The following RPTOR variants were observed in gnomAD, a reference collection of about 807,000 sequenced individuals.
RPTOR encodes the protein regulatory-associated protein of mTOR.
In RPTOR, 21 loss-of-function variants were observed where a neutral mutation model predicts 169.9. The observed-to-expected ratio is 0.12, with a 90% confidence interval of 0.09 to 0.18. The LOEUF (loss-of-function observed/expected upper bound fraction) is 0.18. Ranked by LOEUF, RPTOR falls within the 10% of genes least tolerant of loss-of-function variation. The pLI, the probability that RPTOR is intolerant of heterozygous loss-of-function variation, is 1.00. For synonymous variants in RPTOR, 732 were observed against 753.2 expected (o/e 0.97, Z 0.46); for missense variants, 1,133 against 1,855.9 (o/e 0.61, Z 7.16).
chr17:80,760,029 T>C (rs1567897551), intron 6 of RPTOR, among the ~76,000 whole-genome samples: 2 of 152,168 alleles, frequency 1.3e-5, no homozygotes, highest in Admixed American at 6.5e-5. Flanking sequence ...TCTTAGTAAG[T>C]ATCATTTTAT....
chr17:80,948,333 C>T (rs566191721), intron 27 of RPTOR, among the ~76,000 whole-genome samples: 1 of 152,252 alleles, frequency 6.6e-6, no homozygotes, highest in African/African-American at 2.4e-5. Context: ...GAGCGCTGCC[C>T]CCTCAGGACC....
chr17:80,627,038 C>A (rs1418777935), intron 2 of RPTOR, among the ~76,000 whole-genome samples: 1 of 152,160 alleles, frequency 6.6e-6, no homozygotes, highest in Non-Finnish European at 1.5e-5. Flanking sequence ...TATCAGTAGA[C>A]TGATATTTGT....
intron 5 of RPTOR, among the ~76,000 whole-genome samples, chr17:80,734,888 G>A (rs1051008073): frequency 6.6e-6 from 1 of 152,142 alleles, no homozygotes; most frequent in African/African-American, 2.4e-5. Flanking sequence ...TAACAACTAC[G>A]TTTACAGCAT....
rs2143980927 is a variant in RPTOR, at chr17:80,923,507, C to G, written c.2642C>G (p.Ser881Cys). The G allele has an allele frequency of 6.2e-7, 1 of 1,613,378 alleles. No homozygotes were observed. Among genetic ancestry groups the G allele is most frequent in the Non-Finnish European group, 8.5e-7 (1 of 1,179,974 alleles). The change falls in exon 23 of 34, where the codon TCC becomes TGC. Residue 881 changes from serine to cysteine, a missense_variant. By Grantham distance (112) the Ser-to-Cys change is moderately radical. This residue lies in a region of RPTOR where 123 missense variants were observed against 129.0 expected (regional missense o/e 0.95). Transcript: ENST00000306801. ...AATGGCAGGGGCTCCCCTCCGGCGT[C>G]CAGCACCAGCAGCTCCAGCCTGACC... is the stretch of plus-strand genomic sequence containing the variant. ...IHQAGGSPPA[S>C]STSSSSLTND...
At chr17:80,760,323 A>ATTTTT (rs2066723581) in intron 6 of RPTOR, among the ~76,000 whole-genome samples, 1 of 24,696 alleles carries the variant, frequency 4.0e-5, no homozygotes, top group African/African-American at 1.1e-4. Context: ...TTTTTTTTTG[A>ATTTTT]GACCGAGTCT....
intron 5 of RPTOR, among the ~76,000 whole-genome samples, chr17:80,735,172 G>C (rs2066424312): frequency 6.6e-6 from 1 of 152,166 alleles, no homozygotes; most frequent in Non-Finnish European, 1.5e-5. Context: ...GCTGTGAGAT[G>C]ATCCAATGAG....
intron 3 of RPTOR, among the ~76,000 whole-genome samples, chr17:80,680,868 G>A (rs2065893066): frequency 6.6e-6 from 1 of 152,210 alleles, no homozygotes; most frequent in Non-Finnish European, 1.5e-5. Context: ...GGGCTCGTCT[G>A]TGAACAGGTT....
At chr17:80,762,779 G>A (rs2066748158) in intron 6 of RPTOR, among the ~76,000 whole-genome samples, 1 of 152,118 alleles carries the variant, frequency 6.6e-6, no homozygotes, top group Non-Finnish European at 1.5e-5. Flanking sequence ...GATGGAGCTA[G>A]AAGGAAGGGG....
In RPTOR at chr17:80,820,454, C is replaced by G. The variant is rs529235264; in HGVS notation, c.891-1747C>G. Reference sequence around the variant, plus strand: ...GGGCAGCCACCCCTGTTCGCGCTGGCGCTTGAGGGCTGAGATGAGCAACCT... The same window carrying G: ...GGGCAGCCACCCCTGTTCGCGCTGGGGCTTGAGGGCTGAGATGAGCAACCT... On this transcript the variant is annotated intron_variant, in intron 7 of 33. Transcript: ENST00000306801. This position sits in a 1 kb window ranked among gnomAD's most constrained non-coding sequence, Gnocchi z 4.1. 6.6e-6 allele frequency among the ~76,000 whole-genome samples: 1 copy of G among 152,262 alleles called. No individual in the cohort carries two copies. Among genetic ancestry groups the G allele is most frequent in the South Asian group, 2.1e-4 (1 of 4,824 alleles).
In RPTOR at chr17:80,883,984, G is replaced by A. The variant is rs543836312; in HGVS notation, c.1842+12G>A. ...ACCCCATTCCCGAGGTGAGTCAGGC[G>A]GGGGCTCAGAGTCCAGTCCTCCTGG... On this transcript the variant is annotated intron_variant, in intron 16 of 33. Transcript: ENST00000306801. 1.4e-5 allele frequency: 23 copies of A among 1,602,484 alleles called. No individual in the cohort carries two copies. The highest frequency in any genetic ancestry group is 2.2e-5 in the South Asian group (2 of 90,526).
rs78403648 is a variant in RPTOR, at chr17:80,762,760, C to T, written c.830+8575C>T. Reference sequence around the variant, plus strand: ...CTGAGAAGCTTGTTTGAGGAGTTCCCACCAAAGGGATGGAGCTAGAAGGAA... The same window carrying T: ...CTGAGAAGCTTGTTTGAGGAGTTCCTACCAAAGGGATGGAGCTAGAAGGAA... On this transcript the variant is annotated intron_variant, in intron 6 of 33. Coordinates refer to ENST00000306801, the MANE Select transcript of RPTOR (RefSeq NM_020761.3). Among the ~76,000 whole-genome samples the T allele has an allele frequency of 3.1e-3, 469 of 152,044 alleles. 2 individuals carry two copies. The highest frequency in any genetic ancestry group is 0.011 in the African/African-American group (452 of 41,462).
chr17:80,662,656 G>A (rs1260937072), intron 3 of RPTOR, among the ~76,000 whole-genome samples: 1 of 152,086 alleles, frequency 6.6e-6, no homozygotes, highest in Non-Finnish European at 1.5e-5. Context: ...AGCAATTGGG[G>A]AAGTCGCAAA....
intron 3 of RPTOR, among the ~76,000 whole-genome samples, chr17:80,657,858 A>G (rs2065691955): frequency 2.6e-5 from 4 of 152,034 alleles, no homozygotes. Flanking sequence ...GTTTTGTCTC[A>G]CCTGTTCTTT....
At position 80,820,250 on chromosome 17, in the gene RPTOR, G is replaced by T. The variant is rs115441418; in HGVS notation, c.891-1951G>T. 1.3e-5 allele frequency among the ~76,000 whole-genome samples: 2 copies of T among 151,666 alleles called. No individual in the cohort carries two copies. The highest frequency in any genetic ancestry group is 2.9e-5 in the Non-Finnish European group (2 of 67,906). Reference sequence around the variant, plus strand: ...GACAGTCCTGCAGCTTGAAAGAGGCGGTGTTTTTGCGGAACAGTTATTGAC... The same window carrying T: ...GACAGTCCTGCAGCTTGAAAGAGGCTGTGTTTTTGCGGAACAGTTATTGAC... On this transcript the variant is annotated intron_variant, in intron 7 of 33. Transcript: ENST00000306801. This position sits in a 1 kb window ranked among gnomAD's most constrained non-coding sequence, Gnocchi z 4.1.
chr17:80,626,559 C>T (rs1415655373), intron 2 of RPTOR, among the ~76,000 whole-genome samples: 5 of 152,088 alleles, frequency 3.3e-5, no homozygotes, highest in Admixed American at 3.3e-4. Flanking sequence ...TCAGACGCCA[C>T]TGGAAGCACT....
intron 1 of RPTOR, among the ~76,000 whole-genome samples, chr17:80,580,697 G>T (rs1333498017): frequency 1.3e-5 from 2 of 152,078 alleles, no homozygotes. Context: ...ATCACAGTTC[G>T]CTGTAGCCTC....
intron 4 of RPTOR, among the ~76,000 whole-genome samples, chr17:80,720,636 A>C (rs947798627): frequency 8.5e-5 from 13 of 152,318 alleles, no homozygotes; most frequent in Non-Finnish European, 1.6e-4. Context: ...AGAGATACAA[A>C]ACCTGAGAGT....
intron 4 of RPTOR, among the ~76,000 whole-genome samples, chr17:80,729,023 C>A (rs1416992871): frequency 6.6e-6 from 1 of 152,180 alleles, no homozygotes; most frequent in South Asian, 2.1e-4. Flanking sequence ...TCTCCACACA[C>A]CCCCCACACA....
chr17:80,812,554 C>A lies in RPTOR; in HGVS notation c.891-9647C>A, dbSNP rs529787681. ...GTTGTTCCCCAGCCCCATGAGCCTG[C>A]CGTGATCTACTCAGCGTCCCTGCTG... On this transcript the variant is annotated intron_variant, in intron 7 of 33. Transcript: ENST00000306801. 6.6e-5 allele frequency among the ~76,000 whole-genome samples: 10 copies of A among 152,236 alleles called. No homozygotes were observed. The South Asian group carries it at 2.1e-3, about 32-fold the overall frequency.
Sources: gnomAD v4.1 joint callset for allele counts (sites outside exome capture counted in the v4.1 genomes callset) on GRCh38, gnomAD v4.1.1 for gene constraint, gnomAD v4.1.1 regional missense constraint, Gnocchi (gnomAD v3.1) non-coding constraint, MANE v1.5 for transcripts, NCBI Gene and HGNC (gene_info 2026-07-23, HGNC 2026-07-21) for gene names.